The following RIPK1 variants were observed in gnomAD, a reference collection of about 807,000 sequenced individuals.
RIPK1 encodes receptor-interacting serine/threonine-protein kinase 1.
A neutral mutation model predicts 62.4 loss-of-function variants in RIPK1; 27 were observed. That is an observed-to-expected ratio of 0.43 (90% CI 0.32 to 0.60). The LOEUF is 0.60. Among genes scored for constraint, RIPK1 ranks in the 20% least tolerant of loss-of-function variants. The pLI is 0.07. For missense variants in RIPK1, 735 were observed against 831.0 expected (o/e 0.88, Z 1.42); for synonymous variants, 287 against 303.2 (o/e 0.95, Z 0.55).
upstream of RIPK1, among the ~76,000 whole-genome samples, chr6:3,066,013 C>T (rs1348443962): frequency 2.0e-5 from 3 of 152,250 alleles, no homozygotes; most frequent in South Asian, 4.1e-4. Context: ...GCAAGCTCCA[C>T]GAATGGAACG....
chr6:3,065,264 C>CA (rs57722248), upstream of RIPK1, among the ~76,000 whole-genome samples: 398 of 40,616 alleles, frequency 9.8e-3, 19 homozygotes, highest in East Asian at 0.032. Flanking sequence ...GACTCCGTCT[C>CA]AAAAAAAAAA....
At chr6:3,111,619 C>CA (rs112096987) in intron 10 of RIPK1, among the ~76,000 whole-genome samples, 3,730 of 151,908 alleles carry the variant, frequency 0.025, 88 homozygotes, top group East Asian at 0.071. Flanking sequence ...AAAGCAACCA[C>CA]AGACAATATG....
chr6:3,082,009 TC>T (rs1759416909), intron 4 of RIPK1, among the ~76,000 whole-genome samples: 1 of 152,174 alleles, frequency 6.6e-6, no homozygotes, highest in East Asian at 1.9e-4. Context: ...TTGAACACAT[TC>T]TTTCCATTGT....
intron 6 of RIPK1, among the ~76,000 whole-genome samples, chr6:3,086,485 AATTT>A (rs1759696715): frequency 6.6e-6 from 1 of 152,204 alleles, no homozygotes; most frequent in Admixed American, 6.5e-5. Flanking sequence ...GTCAGCTACA[AATTT>A]ATTTGAGTAT....
chr6:3,068,127 C>G (rs1047987780), upstream of RIPK1: 47 of 815,266 alleles, frequency 5.8e-5, no homozygotes, highest in Admixed American at 6.2e-5. Flanking sequence ...TTCACAATTA[C>G]CATTTTAAAG....
chr6:3,108,875 A>G (rs956975002), intron 9 of RIPK1, among the ~76,000 whole-genome samples: 3 of 152,104 alleles, frequency 2.0e-5, no homozygotes, highest in African/African-American at 7.2e-5. Context: ...TTCCTCAGAG[A>G]AAATGTAACA....
At chr6:3,068,397 C>T, upstream of RIPK1, 2 of 985,474 alleles carry the variant, frequency 2.0e-6, no homozygotes, top group Non-Finnish European at 2.4e-6. Flanking sequence ...CTCCGGGACT[C>T]AGACCCCGGG....
chr6:3,071,785 C>T (rs1758724762), intron 1 of RIPK1, among the ~76,000 whole-genome samples: 2 of 152,288 alleles, frequency 1.3e-5, no homozygotes, highest in South Asian at 4.1e-4. Flanking sequence ...CCAGTGGACC[C>T]AACTAGAGGC....
chr6:3,076,671 C>A (rs1051493485), intron 1 of RIPK1, 93 bp from the exon 2 acceptor site: 5 of 222,386 alleles, frequency 2.2e-5, no homozygotes, highest in African/African-American at 3.1e-5. Flanking sequence ...CAAAGTGAGA[C>A]CCTGTCTCCA....
chr6:3,096,155 A>G (rs1277997849), intron 7 of RIPK1, among the ~76,000 whole-genome samples: 2 of 152,202 alleles, frequency 1.3e-5, no homozygotes, highest in African/African-American at 4.8e-5. Context: ...CTCTGAAATA[A>G]TATGCAAGAC....
At chr6:3,099,267 G>A (rs1041687575) in intron 7 of RIPK1, among the ~76,000 whole-genome samples, 10 of 152,176 alleles carry the variant, frequency 6.6e-5, no homozygotes, top group Non-Finnish European at 8.8e-5. Context: ...AAAATAGGCC[G>A]GGTGCGGTGG....
chr6:3,113,472 G>A lies in RIPK1; in HGVS notation c.*133G>A. ...TGTGTCTGCAGAAATTTTGTTTCCT[G>A]TACTTCATAGCTGGAGAATGGGGAA... On this transcript the variant is annotated 3_prime_UTR_variant, in exon 11 of 11. Transcript: ENST00000259808. The surrounding 1 kb of genome is among the most constrained non-coding windows in gnomAD (Gnocchi z 5.0). The A allele has an allele frequency of 5.1e-6, 4 of 780,784 alleles. No individual in the cohort carries two copies. Among genetic ancestry groups the A allele is most frequent in the Non-Finnish European group, 8.0e-6 (4 of 499,826 alleles). 48.4% of individuals were successfully genotyped at this position (780,784 alleles called of 1,614,324 possible).
At chr6:3,064,800 G>C (rs1410378687), upstream of RIPK1, among the ~76,000 whole-genome samples, 1 of 152,194 alleles carries the variant, frequency 6.6e-6, no homozygotes, top group Non-Finnish European at 1.5e-5. Context: ...ACTTTGGGAG[G>C]GGTTCAGGAT....
In RIPK1 at chr6:3,104,135, T is replaced by A. The variant is rs957268629; in HGVS notation, c.916-90T>A. On this transcript the variant is annotated intron_variant, in intron 7 of 10. Transcript: ENST00000259808. ...GTAAGATCTGTGTGAAATTTCTACC[T>A]TCTGAAAATATGAATTCTTCTCGTT... The A allele has an allele frequency of 4.3e-5, 26 of 610,648 alleles. No individual in the cohort carries two copies. The African/African-American group carries it at 4.6e-4, about 11-fold the overall frequency. 37.8% of individuals were successfully genotyped at this position (610,648 alleles called of 1,614,324 possible). A position where few individuals can be genotyped will look rare whatever the true frequency, so the allele number is the denominator to read the frequency against.
intron 1 of RIPK1, among the ~76,000 whole-genome samples, chr6:3,074,738 G>C (rs1301760481): frequency 6.9e-6 from 1 of 144,820 alleles, no homozygotes; most frequent in Non-Finnish European, 1.5e-5. Flanking sequence ...TGCAGTGAGT[G>C]GCATGCGATC....
rs199833061 is a variant in RIPK1, at chr6:3,077,875, G to C, written c.261G>C (p.Lys87Asn). The C allele has an allele frequency of 5.6e-6, 9 of 1,614,252 alleles. No individual in the cohort carries two copies. The highest frequency in any genetic ancestry group is 7.6e-6 in the Non-Finnish European group (9 of 1,180,034). Residue 87 changes from lysine (K) to asparagine (N), a missense_variant, in exon 3 of 11, where the codon AAG becomes AAC. By Grantham distance (94) the Lys-to-Asn change is moderately conservative. This residue lies in a region of RIPK1 where 671 missense variants were observed against 726.2 expected (regional missense o/e 0.92). Transcript: ENST00000259808. ...TGGGCGTCATCATAGAGGAAGGGAA[G>C]TACTCCCTGGTGATGGAGTACATGG... ...KLLGVIIEEG[K>N]YSLVMEYMEK...
chr6:3,100,147 T>C (rs1368069682), intron 7 of RIPK1, among the ~76,000 whole-genome samples: 1 of 152,202 alleles, frequency 6.6e-6, no homozygotes. Context: ...TTTGGCCTGG[T>C]GCAGTGGCTC....
At chr6:3,102,624 A>G (rs1394079500) in intron 7 of RIPK1, among the ~76,000 whole-genome samples, 2 of 132,916 alleles carry the variant, frequency 1.5e-5, no homozygotes, top group Non-Finnish European at 2.9e-5. Context: ...TTTCTGAGAC[A>G]GAGTCTCCCT....
At chr6:3,112,578 T>C (rs1270973323) in intron 10 of RIPK1, among the ~76,000 whole-genome samples, 1 of 152,202 alleles carries the variant, frequency 6.6e-6, no homozygotes, top group Non-Finnish European at 1.5e-5. Flanking sequence ...TGGCCCAGGC[T>C]GAAGTACAGG....
Sources: allele counts gnomAD v4.1 joint callset (sites outside exome capture counted in the v4.1 genomes callset), GRCh38; gene constraint gnomAD v4.1.1; regional missense constraint gnomAD v4.1.1; non-coding constraint Gnocchi (gnomAD v3.1); transcripts MANE v1.5; gene names NCBI Gene and HGNC (gene_info 2026-07-23, HGNC 2026-07-21).